The following FAR2 variants were observed in gnomAD, a reference collection of about 807,000 sequenced individuals.
FAR2 encodes fatty acyl-CoA reductase 2, also known as epididymis secretory protein Li 81.
Under a neutral mutation model 56.0 loss-of-function variants are expected in FAR2, and 19 were observed. The ratio of observed to expected loss-of-function variants is 0.34; its 90% CI spans 0.24 to 0.50. The LOEUF (loss-of-function observed/expected upper bound fraction) is 0.50. Ranked by LOEUF, FAR2 falls within the 20% of genes least tolerant of loss-of-function variation. The pLI, the probability that FAR2 is intolerant of heterozygous loss-of-function variation, is 0.98. For missense variants in FAR2, 508 were observed against 642.2 expected (o/e 0.79, Z 2.26); for synonymous variants, 219 against 218.8 (o/e 1.00, Z -0.01).
rs561670999 is a variant in FAR2, at chr12:29,297,188, T to C, written c.533T>C (p.Ile178Thr). 4.2e-5 allele frequency: 68 copies of C among 1,611,570 alleles called. No homozygotes were observed. The highest frequency in any genetic ancestry group is 5.5e-5 in the Non-Finnish European group (65 of 1,179,304). Residue 178 changes from isoleucine to threonine, a missense_variant, in exon 4 of 12, where the codon ATT becomes ACT. By Grantham distance (89) the Ile-to-Thr change is moderately conservative. Coordinates refer to ENST00000536681, the MANE Select transcript of FAR2 (RefSeq NM_001271783.2). ...TGCCCTGTGGAGCCAAAAAAAATCA[T>C]TGATTCCCTTGAGTAAGTTGGTCTA... ...YPCPVEPKKI[I>T]DSLEWLDDAI...
At chr12:29,151,022 C>T (rs975204796) in intron 1 of FAR2, among the ~76,000 whole-genome samples, 1 of 152,154 alleles carries the variant, frequency 6.6e-6, no homozygotes, top group Non-Finnish European at 1.5e-5. Context: ...ATTAGGGTAT[C>T]ACTTTGGGGT....
rs1949005321 is a variant in FAR2 at position 29,293,370 on chromosome 12, A to G, written c.260A>G (p.Asn87Ser). The change falls in exon 3 of 12, where the codon AAT becomes AGT. Residue 87 changes from asparagine (N) to serine (S), a missense_variant. Physicochemically the swap from Asn to Ser is conservative, Grantham distance 46. Transcript: ENST00000536681. ...ATCAGAGCTATTTATGCAGATCTCA[A>G]TCAGAATGACTTTGCCATCAGCAAA... ...EKIRAIYADLNQNDFAISKED... is the reference protein window; with the variant it reads ...EKIRAIYADLSQNDFAISKED... 1.2e-6 allele frequency: 2 copies of G among 1,612,940 alleles called. No homozygotes were observed. Among genetic ancestry groups the G allele is most frequent in the Middle Eastern group, 1.7e-4 (1 of 6,056 alleles).
chr12:29,321,997 G>T, intron 10 of FAR2, 73 bp downstream of exon 10: 1 of 1,507,150 alleles, frequency 6.6e-7, no homozygotes, highest in Non-Finnish European at 8.9e-7. Flanking sequence ...GATTTGGAAA[G>T]CTGATGAATG....
chr12:29,171,082 T>C (rs1400241696), intron 1 of FAR2, among the ~76,000 whole-genome samples: 1 of 152,240 alleles, frequency 6.6e-6, no homozygotes, highest in Non-Finnish European at 1.5e-5. Context: ...AATACCTGAT[T>C]ACAGGCTGTT....
At chr12:29,213,606 C>T (rs1947582650) in intron 1 of FAR2, among the ~76,000 whole-genome samples, 1 of 149,686 alleles carries the variant, frequency 6.7e-6, no homozygotes, top group Admixed American at 6.8e-5. Flanking sequence ...AGGGGAATCG[C>T]TTGAATCCGG....
intron 1 of FAR2, among the ~76,000 whole-genome samples, chr12:29,218,727 A>G (rs1343198599): frequency 6.6e-6 from 1 of 152,202 alleles, no homozygotes; most frequent in Non-Finnish European, 1.5e-5. Flanking sequence ...ACAAAAATAC[A>G]GAGAAAAATC....
intron 10 of FAR2, among the ~76,000 whole-genome samples, chr12:29,328,259 A>T (rs535004834): frequency 1.3e-5 from 2 of 152,012 alleles, no homozygotes; most frequent in Non-Finnish European, 2.9e-5. Flanking sequence ...GAAACAACAG[A>T]TGCTGGAGAG....
At chr12:29,252,832 C>T (rs1354248836) in intron 1 of FAR2, among the ~76,000 whole-genome samples, 1 of 152,142 alleles carries the variant, frequency 6.6e-6, no homozygotes, top group Non-Finnish European at 1.5e-5. Flanking sequence ...TTTTATGTGT[C>T]AACTTGGCTG....
chr12:29,307,703 C>A lies in FAR2; in HGVS notation c.591C>A (p.Ile197=), dbSNP rs754904663. 1 of 1,613,700 alleles carries A rather than the reference C, an allele frequency of 6.2e-7. No homozygotes were observed. Among genetic ancestry groups the A allele is most frequent in the Non-Finnish European group, 8.5e-7 (1 of 1,179,806 alleles). Residue 197 remains isoleucine (I), a synonymous_variant, in exon 5 of 12, where the codon ATC becomes ATA. Transcript: ENST00000536681. ...AIIDEITPKL[I]RDWPNIYTYT... The stretch of plus-strand genomic sequence containing the variant: ...TTGACGAGATTACACCCAAGCTGAT[C>A]AGAGATTGGCCCAATATTTATACCT...
At chr12:29,283,272 G>A (rs139131836) in intron 2 of FAR2, among the ~76,000 whole-genome samples, 139 of 152,192 alleles carry the variant, frequency 9.1e-4, no homozygotes, top group Non-Finnish European at 1.7e-3. Flanking sequence ...TCAACTATTA[G>A]CCCTAAATGT....
At chr12:29,197,839 A>G (rs189346961) in intron 1 of FAR2, among the ~76,000 whole-genome samples, 133 of 152,332 alleles carry the variant, frequency 8.7e-4, no homozygotes, top group South Asian at 2.9e-3. Context: ...GCTATCAAGC[A>G]AGTAGACATA....
chr12:29,303,602 A>T (rs1318113659), intron 4 of FAR2, among the ~76,000 whole-genome samples: 1 of 152,230 alleles, frequency 6.6e-6, no homozygotes, highest in Admixed American at 6.5e-5. Context: ...AGCCAGCAGC[A>T]GTGGCCCTTA....
intron 1 of FAR2, among the ~76,000 whole-genome samples, chr12:29,263,565 G>A (rs1370697900): frequency 2.6e-5 from 4 of 151,730 alleles, no homozygotes; most frequent in Non-Finnish European, 5.9e-5. Context: ...GGTCAATGAA[G>A]AAATTGAAAA....
intron 1 of FAR2, among the ~76,000 whole-genome samples, chr12:29,211,719 T>G (rs1465537602): frequency 6.6e-6 from 1 of 151,994 alleles, no homozygotes; most frequent in Non-Finnish European, 1.5e-5. Flanking sequence ...AAAAAGATGG[T>G]GCTATGTGAG....
chr12:29,300,899 G>A (rs1180238163), intron 4 of FAR2, among the ~76,000 whole-genome samples: 2 of 152,032 alleles, frequency 1.3e-5, no homozygotes, highest in African/African-American at 4.8e-5. Context: ...TTTTTGGCCC[G>A]GACCTTTCCT....
chr12:29,185,073 A>G (rs1950027777), intron 1 of FAR2, among the ~76,000 whole-genome samples: 1 of 152,336 alleles, frequency 6.6e-6, no homozygotes, highest in African/African-American at 2.4e-5. Flanking sequence ...TGTATATGAT[A>G]TCATATAGTT....
intron 8 of FAR2, among the ~76,000 whole-genome samples, chr12:29,314,763 A>C (rs1294532968): frequency 6.6e-6 from 1 of 152,094 alleles, no homozygotes; most frequent in Admixed American, 6.6e-5. Flanking sequence ...AATTCCTTAA[A>C]GACAGGGAAT....
chr12:29,205,353 TA>T lies in FAR2; in HGVS notation c.-39+55948del, dbSNP rs557341434. On this transcript the variant is annotated intron_variant, in intron 1 of 11. Transcript: ENST00000536681. ...TAGTCTCAGCAAAGAACATGTCTGA[TA>T]ATTTCCAGTGTTCTTGATGTGTTAT... Among the ~76,000 whole-genome samples the T allele has an allele frequency of 1.5e-3, 221 of 152,370 alleles. 1 individual carries two copies. The South Asian group carries it at 0.021, about 15-fold the overall frequency.
chr12:29,316,865 A>G lies in FAR2; in HGVS notation c.980A>G (p.Glu327Gly). Reference protein sequence around the residue: ...KMGVQVLATFEKIPFERPFRR... With the variant: ...KMGVQVLATFGKIPFERPFRR... ...GGAGTCCAAGTCTTGGCAACCTTTG[A>G]AAAAATCCCATTTGAGAGACCTTTC... Residue 327 changes from glutamate (E) to glycine (G), a missense_variant, in exon 9 of 12, where the codon GAA becomes GGA. Glu to Gly is a moderately conservative substitution (Grantham distance 98). Coordinates refer to ENST00000536681, the MANE Select transcript of FAR2 (RefSeq NM_001271783.2). 1.9e-6 allele frequency: 3 copies of G among 1,614,098 alleles called. No individual in the cohort carries two copies. Among genetic ancestry groups the G allele is most frequent in the Non-Finnish European group, 2.5e-6 (3 of 1,179,986 alleles).
Sources: allele counts gnomAD v4.1 joint callset (sites outside exome capture counted in the v4.1 genomes callset), GRCh38; gene constraint gnomAD v4.1.1; transcripts MANE v1.5; gene names NCBI Gene and HGNC (gene_info 2026-07-23, HGNC 2026-07-21).